The following LGMN variants were observed in gnomAD, a reference collection of about 807,000 sequenced individuals.
LGMN encodes the protein legumain.
LGMN carries 36 observed loss-of-function variants against 56.8 expected under a neutral mutation model. The observed-to-expected ratio is 0.63, with a 90% CI of 0.49 to 0.84. The LOEUF (loss-of-function observed/expected upper bound fraction) is 0.84. Among genes scored for constraint, LGMN ranks in the 40% least tolerant of loss-of-function variants. LGMN has a pLI of 0.00. For missense variants in LGMN, 446 were observed against 556.1 expected, an observed-to-expected ratio of 0.80 and a Z score of 1.99; for synonymous variants, 199 against 210.1, an observed-to-expected ratio of 0.95 and a Z score of 0.46.
At chr14:92,707,851 C>A (rs1463911304) in intron 11 of LGMN, among the ~76,000 whole-genome samples, 1 of 152,088 alleles carries the variant, frequency 6.6e-6, no homozygotes, top group Admixed American at 6.6e-5. Flanking sequence ...GCTGTTTAAG[C>A]AAACACAAGA....
intron 2 of LGMN, among the ~76,000 whole-genome samples, chr14:92,721,565 T>C (rs1249656152): frequency 6.6e-6 from 1 of 152,206 alleles, no homozygotes; most frequent in Non-Finnish European, 1.5e-5. Flanking sequence ...ATAGTGTAAT[T>C]GGCACTCCAC....
intron 11 of LGMN, among the ~76,000 whole-genome samples, chr14:92,709,118 A>T (rs1317314243): frequency 3.9e-5 from 6 of 152,034 alleles, no homozygotes; most frequent in African/African-American, 7.2e-5. Flanking sequence ...TTTTAGAAAG[A>T]ATTTTAGGCA....
At chr14:92,732,612 G>A (rs371600514) in intron 2 of LGMN, 37 bp downstream of exon 2, 19 of 1,606,410 alleles carry the variant, frequency 1.2e-5, no homozygotes, top group Middle Eastern at 1.7e-4. Flanking sequence ...CAGAATGCCA[G>A]TGTCCTTAAC....
At chr14:92,709,402 T>C (rs984764341) in intron 11 of LGMN, among the ~76,000 whole-genome samples, 11 of 152,212 alleles carry the variant, frequency 7.2e-5, no homozygotes, top group African/African-American at 1.9e-4. Flanking sequence ...GAAACACCCA[T>C]GTACATGGCT....
At chr14:92,725,608 C>T (rs1187273575) in intron 2 of LGMN, among the ~76,000 whole-genome samples, 3 of 151,872 alleles carry the variant, frequency 2.0e-5, no homozygotes, top group Non-Finnish European at 4.4e-5. Context: ...CAGAGTCTCA[C>T]TCTGTCACCC....
In LGMN at chr14:92,704,314, G is replaced by C; in HGVS notation, c.*5C>G. 1 of 1,614,144 alleles carries C rather than the reference G, an allele frequency of 6.2e-7. No homozygotes were observed. The highest frequency in any genetic ancestry group is 8.5e-7 in the Non-Finnish European group (1 of 1,179,978). Reference sequence around the variant, plus strand: ...CACTTGGAAAAGCTTCCAGGAGGCAGCTCTTCAGTAGTGACCAAGGCACAC... The same window carrying C: ...CACTTGGAAAAGCTTCCAGGAGGCACCTCTTCAGTAGTGACCAAGGCACAC... On this transcript the variant is annotated 3_prime_UTR_variant, in exon 14 of 14. Transcript: ENST00000334869.
chr14:92,739,752 ATAAATGTCTAGCTGGATCAAT>A (rs1891465318), intron 1 of LGMN, among the ~76,000 whole-genome samples: 1 of 152,228 alleles, frequency 6.6e-6, no homozygotes, highest in Non-Finnish European at 1.5e-5. Context: ...TGGAAGCAAC[ATAAATGTCTAGCTGGATCAAT>A]TACAGTACAG....
At chr14:92,719,221 A>G (rs1305955280) in intron 2 of LGMN, among the ~76,000 whole-genome samples, 39 of 78,850 alleles carry the variant, frequency 4.9e-4, no homozygotes, top group Middle Eastern at 5.3e-3. Flanking sequence ...CGCCACCAAC[A>G]CCACCACCGC....
In LGMN at chr14:92,704,712, G is replaced by C. The variant is rs768929763; in HGVS notation, c.1192-5C>G. On this transcript the variant is annotated splice_region_variant and splice_polypyrimidine_tract_variant and intron_variant, in intron 12 of 13. Transcript: ENST00000334869. The stretch of plus-strand genomic sequence containing the variant: ...ATGTCTCAACGCATACTCGTACTGG[G>C]AGAAAACAAACGAGAAGAATGAAAC... 41 of 1,611,150 alleles carry C rather than the reference G, an allele frequency of 2.5e-5. No individual in the cohort carries two copies. Among genetic ancestry groups the C allele is most frequent in the Non-Finnish European group, 3.5e-5 (41 of 1,177,404 alleles).
intron 8 of LGMN, among the ~76,000 whole-genome samples, chr14:92,712,182 C>G (rs1889818081): frequency 6.6e-6 from 1 of 152,152 alleles, no homozygotes; most frequent in Admixed American, 6.5e-5. Context: ...ATGTTTTTTG[C>G]AGCAATTGGC....
chr14:92,705,829 T>C (rs1889401427), intron 12 of LGMN, among the ~76,000 whole-genome samples: 3 of 152,160 alleles, frequency 2.0e-5, no homozygotes, highest in Admixed American at 6.5e-5. Flanking sequence ...GGTCTTACCA[T>C]GTTGGCCAGG....
chr14:92,743,325 C>G (rs1891654284), intron 1 of LGMN, among the ~76,000 whole-genome samples: 1 of 152,020 alleles, frequency 6.6e-6, no homozygotes, highest in Non-Finnish European at 1.5e-5. Context: ...CACAGTGAAA[C>G]TCCATCTCTA....
At chr14:92,736,883 G>A (rs1269440280) in intron 1 of LGMN, among the ~76,000 whole-genome samples, 3 of 152,138 alleles carry the variant, frequency 2.0e-5, no homozygotes, top group Non-Finnish European at 4.4e-5. Flanking sequence ...ACAAACTTGT[G>A]AAGAAGCAAC....
chr14:92,710,332 C>A (rs1889694746), intron 10 of LGMN, among the ~76,000 whole-genome samples: 1 of 152,236 alleles, frequency 6.6e-6, no homozygotes, highest in Non-Finnish European at 1.5e-5. Context: ...GTGCTCACTC[C>A]CCCGCACTCA....
intron 2 of LGMN, 47 bp from the exon 3 acceptor site, chr14:92,718,891 A>G: frequency 7.2e-7 from 1 of 1,394,472 alleles, no homozygotes. Flanking sequence ...CTGGGAGGCC[A>G]ATTTTGGAGT....
At position 92,714,520 on chromosome 14, in the gene LGMN, G is replaced by C; in HGVS notation, c.405-69C>G. On this transcript the variant is annotated intron_variant, in intron 5 of 13. Coordinates refer to ENST00000334869, the MANE Select transcript of LGMN (RefSeq NM_005606.7). This position sits in a 1 kb window ranked among gnomAD's most constrained non-coding sequence, Gnocchi z 5.1. ...TTTACTTCTATTTCTCTGAAAAGCT[G>C]CCCTAATCAAAAAATTAAGAAGTTT... is the stretch of plus-strand genomic sequence containing the variant. The C allele has an allele frequency of 8.5e-7, 1 of 1,180,880 alleles. No individual in the cohort carries two copies. 73.2% of individuals were successfully genotyped at this position (1,180,880 alleles called of 1,614,324 possible). A position where few individuals can be genotyped will look rare whatever the true frequency, so the allele number is the denominator to read the frequency against.
At chr14:92,713,789 C>T (rs754805864) in intron 7 of LGMN, 34 bp downstream of exon 7, 112 of 1,512,436 alleles carry the variant, frequency 7.4e-5, no homozygotes, top group Non-Finnish European at 9.5e-5. Context: ...TCACACCCCC[C>T]GCCCCCACAA....
chr14:92,719,248 A>C (rs1377612782), intron 2 of LGMN, among the ~76,000 whole-genome samples: 1 of 22,502 alleles, frequency 4.4e-5, no homozygotes, highest in Non-Finnish European at 8.4e-5. Flanking sequence ...CACCACCGCC[A>C]CCACCACCAC....
chr14:92,712,185 C>G lies in LGMN; in HGVS notation c.611-230G>C, dbSNP rs536981442. ...GCCAGCTGGTGGATGTTTTTTGCAGCAATTGGCAAATTGGCATGCTTAGGA... is the reference window on the plus strand; with the variant it reads ...GCCAGCTGGTGGATGTTTTTTGCAGGAATTGGCAAATTGGCATGCTTAGGA... On this transcript the variant is annotated intron_variant, in intron 8 of 13. Transcript: ENST00000334869. Among the ~76,000 whole-genome samples, 3 of 152,236 alleles carry G rather than the reference C, an allele frequency of 2.0e-5. No homozygotes were observed. The South Asian group carries it at 6.2e-4, about 32-fold the overall frequency.
Sources: gnomAD v4.1 joint callset for allele counts (sites outside exome capture counted in the v4.1 genomes callset) on GRCh38, gnomAD v4.1.1 for gene constraint, Gnocchi (gnomAD v3.1) non-coding constraint, MANE v1.5 for transcripts, NCBI Gene and HGNC (gene_info 2026-07-23, HGNC 2026-07-21) for gene names.